Variants in FAM184B observed in about 807,000 individuals in gnomAD.
The protein encoded by FAM184B is protein FAM184B.
In FAM184B, 111 loss-of-function variants were observed where a neutral mutation model predicts 135.9. That is an observed-to-expected ratio of 0.82 (90% CI 0.70 to 0.96). The LOEUF is 0.96. Ranked by LOEUF, FAM184B falls within the 40% of genes least tolerant of loss-of-function variation. FAM184B has a pLI of 0.00. For synonymous variants in FAM184B, 552 were observed against 524.8 expected (o/e 1.05, Z -0.71); for missense variants, 1,375 against 1,323.9 (o/e 1.04, Z -0.60).
intron 5 of FAM184B, among the ~76,000 whole-genome samples, chr4:17,701,996 C>T (rs866314041): frequency 3.3e-5 from 5 of 152,090 alleles, no homozygotes; most frequent in African/African-American, 9.7e-5. Context: ...TAGTGGCTTC[C>T]GTATTAGATA....
intron 3 of FAM184B, 86 bp downstream of exon 3, chr4:17,707,563 T>G (rs1717146404): frequency 6.6e-7 from 1 of 1,509,424 alleles, no homozygotes; most frequent in Non-Finnish European, 8.9e-7. Context: ...CTCTGCTCCC[T>G]TAGCAGGCTT....
chr4:17,708,709 A>ATATATATATATATATATT (rs3066655), intron 2 of FAM184B, among the ~76,000 whole-genome samples, 183 bp downstream of exon 2: 4 of 38,856 alleles, frequency 1.0e-4, no homozygotes, highest in Non-Finnish European at 1.4e-4. Flanking sequence ...ATATATATAT[A>ATATATATATATATATATT]GTGTCTGTGT....
chr4:17,705,063 C>A lies in FAM184B; in HGVS notation c.1314G>T (p.Lys438Asn). ...LVKRLEDLVK[K>N]HTVEIKSVRS... ...GAACGGATTTGATTTCCACGGTGTG[C>A]TTCTTTACCAAGTCTTCTAGTCGCT... The change falls in exon 5 of 18, where the codon AAG (lysine) becomes AAT (asparagine). Residue 438 changes from lysine (K) to asparagine (N), a missense_variant. Lys to Asn is a moderately conservative substitution (Grantham distance 94). Coordinates refer to ENST00000265018, the MANE Select transcript of FAM184B (RefSeq NM_015688.2). 3 of 1,551,762 alleles carry A rather than the reference C, an allele frequency of 1.9e-6. No homozygotes were observed. The highest frequency in any genetic ancestry group is 2.6e-6 in the Non-Finnish European group (3 of 1,147,010).
chr4:17,719,976 A>G (rs1717480854), intron 1 of FAM184B, among the ~76,000 whole-genome samples: 1 of 152,192 alleles, frequency 6.6e-6, no homozygotes. Context: ...CCGCAATAGA[A>G]CATACTCCTA....
intron 13 of FAM184B, among the ~76,000 whole-genome samples, chr4:17,641,643 C>CTTGTTTTTTT (rs1715318565): frequency 4.1e-5 from 1 of 24,376 alleles, no homozygotes; most frequent in Non-Finnish European, 7.2e-5. Flanking sequence ...CACGCCCGGC[C>CTTGTTTTTTT]TTTTTTTTTT....
chr4:17,761,334 C>A, intron 1 of FAM184B, among the ~76,000 whole-genome samples: 1 of 152,070 alleles, frequency 6.6e-6, no homozygotes, highest in East Asian at 1.9e-4. Context: ...AGAGAAGAAC[C>A]CTTACCAGAA....
intron 1 of FAM184B, among the ~76,000 whole-genome samples, chr4:17,757,207 C>A (rs1162875290): frequency 6.6e-6 from 1 of 152,104 alleles, no homozygotes; most frequent in East Asian, 1.9e-4. Context: ...ATCAGCAAAA[C>A]CCAAACTGTT....
intron 1 of FAM184B, among the ~76,000 whole-genome samples, chr4:17,732,219 C>A (rs568868884): frequency 6.6e-6 from 1 of 152,218 alleles, no homozygotes; most frequent in Non-Finnish European, 1.5e-5. Context: ...ACTAAATGCC[C>A]ACAAGAGAAA....
At chr4:17,775,957 C>A (rs964458420) in intron 1 of FAM184B, among the ~76,000 whole-genome samples, 7 of 152,024 alleles carry the variant, frequency 4.6e-5, no homozygotes, top group Non-Finnish European at 8.8e-5. Flanking sequence ...CGTATTGTAT[C>A]CATGTAAAAA....
intron 11 of FAM184B, among the ~76,000 whole-genome samples, chr4:17,650,743 ACT>A (rs1424907220): frequency 6.6e-6 from 1 of 151,910 alleles, no homozygotes; most frequent in Non-Finnish European, 1.5e-5. Context: ...AGTCTACGAA[ACT>A]CTTTCCTTCC....
At chr4:17,744,651 C>G (rs1007969956) in intron 1 of FAM184B, among the ~76,000 whole-genome samples, 1 of 150,810 alleles carries the variant, frequency 6.6e-6, no homozygotes, top group Non-Finnish European at 1.5e-5. Context: ...ATCCGGGAGG[C>G]AGAAGTTGCA....
rs184012588 is a variant in FAM184B at position 17,706,796 on chromosome 4, T to C, written c.1030+853A>G. 2.9e-3 allele frequency among the ~76,000 whole-genome samples: 438 copies of C among 152,282 alleles called. 2 individuals are homozygous for C. Among genetic ancestry groups the C allele is most frequent in the Non-Finnish European group, 4.5e-3 (309 of 68,016 alleles). On this transcript the variant is annotated intron_variant, in intron 3 of 17. Coordinates refer to ENST00000265018, the MANE Select transcript of FAM184B (RefSeq NM_015688.2). ...CAATACTTTGTATTTAATTTAATTT[T>C]TTTTTTGAGAGGGAGTTTTGTTGCT...
At chr4:17,665,351 C>G (rs1437737631) in intron 7 of FAM184B, among the ~76,000 whole-genome samples, 1 of 152,190 alleles carries the variant, frequency 6.6e-6, no homozygotes, top group Non-Finnish European at 1.5e-5. Flanking sequence ...TTATCATTCT[C>G]TCCTTCCCAC....
At position 17,705,777 on chromosome 4, in the gene FAM184B, C is replaced by G; in HGVS notation, c.1145G>C (p.Cys382Ser). ...QDQSCLKECPCMKGGTDMQTK... is the reference protein window; with the variant it reads ...QDQSCLKECPSMKGGTDMQTK... ...CTGCATATCTGTGCCTCCTTTCATGCAAGGGCACTCCTTGAGACAGCTTTG... is the reference window on the plus strand; with the variant it reads ...CTGCATATCTGTGCCTCCTTTCATGGAAGGGCACTCCTTGAGACAGCTTTG... The change falls in exon 4 of 18, where the codon TGC (cysteine) becomes TCC (serine). Residue 382 changes from cysteine (C) to serine (S), a missense_variant. Coordinates refer to ENST00000265018, the MANE Select transcript of FAM184B (RefSeq NM_015688.2). 1 of 1,551,830 alleles carries G rather than the reference C, an allele frequency of 6.4e-7. No individual in the cohort carries two copies. Among genetic ancestry groups the G allele is most frequent in the Non-Finnish European group, 8.7e-7 (1 of 1,147,018 alleles).
intron 10 of FAM184B, 26 bp downstream of exon 10, chr4:17,658,324 A>G: frequency 6.5e-7 from 1 of 1,549,664 alleles, no homozygotes; most frequent in Non-Finnish European, 8.7e-7. Flanking sequence ...CCCGGCACAG[A>G]GTAGACGGCA....
Position 17,664,678 on chromosome 4 carries a change from AAG to A in FAM184B, c.1597-21_1597-20del, listed in dbSNP as rs1171052296. On this transcript the variant is annotated intron_variant, in intron 7 of 17. Coordinates refer to ENST00000265018, the MANE Select transcript of FAM184B (RefSeq NM_015688.2). ...ATGGATCCTAAGGCCAAAAAAGAAA[AAG>A]AAAAAAAAAAAAAAGGCAAGATGAG... is the stretch of plus-strand genomic sequence containing the variant. The A allele has an allele frequency of 6.0e-6, 9 of 1,498,972 alleles. No homozygotes were observed. The highest frequency in any genetic ancestry group is 2.5e-5 in the East Asian group (1 of 40,250). The allele number at this position is 1,498,972 out of a possible 1,614,324, so 92.9% of individuals were successfully genotyped here.
intron 7 of FAM184B, among the ~76,000 whole-genome samples, chr4:17,665,736 T>C (rs1467826514): frequency 6.6e-6 from 1 of 152,118 alleles, no homozygotes; most frequent in Non-Finnish European, 1.5e-5. Context: ...TACTGTATTA[T>C]CTATAAAAGG....
chr4:17,658,360 T>C lies in FAM184B; in HGVS notation c.2027A>G (p.Gln676Arg). 4 of 1,551,632 alleles carry C rather than the reference T, an allele frequency of 2.6e-6. No homozygotes were observed. The highest frequency in any genetic ancestry group is 2.6e-6 in the Non-Finnish European group (3 of 1,146,956). ...CAGTCATTCCCTCACCTTGAGTTCC[T>C]GATGTCTGGCCTTCTCCAGCATGCG... ...ALRMLEKARH[Q>R]ELKATEERLK... The change falls in exon 10 of 18, where the codon CAG (glutamine) becomes CGG (arginine). Residue 676 changes from glutamine (Q) to arginine (R), a missense_variant. Transcript: ENST00000265018.
Position 17,673,604 on chromosome 4 carries a change from G to A in FAM184B, c.1597-8945C>T, listed in dbSNP as rs1716244394. Among the ~76,000 whole-genome samples, 3 of 152,200 alleles carry A rather than the reference G, an allele frequency of 2.0e-5. No individual in the cohort carries two copies. The South Asian group carries it at 6.2e-4, about 32-fold the overall frequency. Reference sequence around the variant, plus strand: ...TCAGCCATAGAAAGGATGAATTAATGGCATTCACAGTGACCTGGATGAGAT... The same window carrying A: ...TCAGCCATAGAAAGGATGAATTAATAGCATTCACAGTGACCTGGATGAGAT... On this transcript the variant is annotated intron_variant, in intron 7 of 17. Coordinates refer to ENST00000265018, the MANE Select transcript of FAM184B (RefSeq NM_015688.2).
Sources: allele counts gnomAD v4.1 joint callset (sites outside exome capture counted in the v4.1 genomes callset), GRCh38; gene constraint gnomAD v4.1.1; transcripts MANE v1.5; gene names NCBI Gene and HGNC (gene_info 2026-07-23, HGNC 2026-07-21).